Variants in GAS2 observed in about 807,000 individuals in gnomAD.
GAS2 encodes the protein growth arrest specific 2, also known as growth arrest-specific protein 2.
A neutral mutation model predicts 37.5 loss-of-function variants in GAS2; 20 were observed. The ratio of observed to expected loss-of-function variants is 0.53; its 90% CI spans 0.37 to 0.77. The LOEUF (loss-of-function observed/expected upper bound fraction) is 0.77. Among genes scored for constraint, GAS2 ranks in the 30% least tolerant of loss-of-function variants. GAS2 has a pLI of 0.00. For missense variants in GAS2, 336 were observed against 373.4 expected (o/e 0.90, Z 0.82); for synonymous variants, 144 against 132.2 (o/e 1.09, Z -0.61).
At chr11:22,722,808 A>G (rs1169440114) in intron 3 of GAS2, among the ~76,000 whole-genome samples, 2 of 151,874 alleles carry the variant, frequency 1.3e-5, no homozygotes, top group Admixed American at 6.6e-5. Context: ...TCATTCATCT[A>G]TTAGTTTTTG....
At position 22,743,783 on chromosome 11, in the gene GAS2, A is replaced by C. The variant is rs527935498; in HGVS notation, c.474-5337A>C. ...AACCCAAAGCTAGCAGAAGAAAAGA[A>C]ATAACTAAAATCAGAGCATAACTGA... On this transcript the variant is annotated intron_variant, in intron 5 of 7. Transcript: ENST00000454584. Among the ~76,000 whole-genome samples the C allele has an allele frequency of 2.6e-5, 4 of 152,302 alleles. No homozygotes were observed. The South Asian group carries it at 8.3e-4, about 32-fold the overall frequency.
intron 7 of GAS2, among the ~76,000 whole-genome samples, chr11:22,781,146 T>C (rs1458169674): frequency 6.6e-6 from 1 of 152,118 alleles, no homozygotes; most frequent in Admixed American, 6.5e-5. Flanking sequence ...AGTGGCAGAG[T>C]CTGCTGTCCT....
At chr11:22,740,782 A>T (rs1030104815) in intron 5 of GAS2, among the ~76,000 whole-genome samples, 1 of 152,182 alleles carries the variant, frequency 6.6e-6, no homozygotes, top group Non-Finnish European at 1.5e-5. Context: ...ATATATCTAA[A>T]TGCTTAAATT....
At chr11:22,683,302 G>A (rs2928343) in intron 2 of GAS2, among the ~76,000 whole-genome samples, 55,944 of 151,958 alleles carry the variant, frequency 0.37, 11,304 homozygotes, top group African/African-American at 0.55. Flanking sequence ...GTGTCACTCT[G>A]TCACCCAGGC....
At chr11:22,809,613 G>A (rs1032333625) in intron 7 of GAS2, among the ~76,000 whole-genome samples, 9 of 151,316 alleles carry the variant, frequency 5.9e-5, no homozygotes, top group Non-Finnish European at 1.2e-4. Context: ...TCAGCCTCCC[G>A]AGTAGCTGAG....
At chr11:22,710,682 C>T (rs955810393) in intron 3 of GAS2, among the ~76,000 whole-genome samples, 1 of 151,978 alleles carries the variant, frequency 6.6e-6, no homozygotes, top group African/African-American at 2.4e-5. Context: ...GTTGTCACAC[C>T]TGCTATCTCA....
rs566224317 is a variant in GAS2 at position 22,630,050 on chromosome 11, C to T, written c.-21+4237C>T. Among the ~76,000 whole-genome samples the T allele has an allele frequency of 9.9e-5, 15 of 151,878 alleles. No homozygotes were observed. The South Asian group carries it at 1.0e-3, about 11-fold the overall frequency. On this transcript the variant is annotated intron_variant, in intron 1 of 5. Transcript: ENST00000528582. Reference sequence around the variant, plus strand: ...TAGGGCTATCCAGTTTTCCTCACACCATTTTTTTTTATTATACTGTAAGCT... The same window carrying T: ...TAGGGCTATCCAGTTTTCCTCACACTATTTTTTTTTATTATACTGTAAGCT...
chr11:22,684,852 G>A (rs2133939727), intron 2 of GAS2, among the ~76,000 whole-genome samples: 1 of 152,306 alleles, frequency 6.6e-6, no homozygotes, highest in African/African-American at 2.4e-5. Flanking sequence ...TTACAGGCCT[G>A]AGCTACTGTG....
Position 22,731,409 on chromosome 11 carries a change from C to T in GAS2, c.409+4976C>T, listed in dbSNP as rs192362266. The T allele has an allele frequency of 1.5e-3, 624 of 426,238 alleles. 4 individuals carry two copies. The highest frequency in any genetic ancestry group is 9.0e-3 in the African/African-American group (436 of 48,460). 26.4% of individuals were successfully genotyped at this position (426,238 alleles called of 1,614,324 possible). The stretch of plus-strand genomic sequence containing the variant: ...CAACAAGAAAAGGGTTTGCTATCTG[C>T]GGTGTAGCATGCAAATGTGTGTGAT... On this transcript the variant is annotated intron_variant, in intron 4 of 7. Coordinates refer to ENST00000454584, the MANE Select transcript of GAS2 (RefSeq NM_001143830.3).
chr11:22,764,271 A>T (rs1404048988), intron 7 of GAS2, among the ~76,000 whole-genome samples: 2 of 152,208 alleles, frequency 1.3e-5, no homozygotes, highest in African/African-American at 4.8e-5. Context: ...TAAAAAAGCA[A>T]GAAAGACGGC....
intron 7 of GAS2, among the ~76,000 whole-genome samples, chr11:22,802,324 G>T (rs962393062): frequency 1.1e-4 from 16 of 151,980 alleles, no homozygotes; most frequent in Non-Finnish European, 1.2e-4. Context: ...GGAGGGAGGA[G>T]GGAGGGATAG....
intron 1 of GAS2, among the ~76,000 whole-genome samples, chr11:22,642,123 A>G (rs1306294237): frequency 6.6e-6 from 1 of 152,178 alleles, no homozygotes; most frequent in Non-Finnish European, 1.5e-5. Flanking sequence ...TGATAAGAGT[A>G]TATCTGTTAT....
intron 4 of GAS2, among the ~76,000 whole-genome samples, chr11:22,731,638 A>C (rs989747771): frequency 1.3e-5 from 2 of 151,590 alleles, no homozygotes; most frequent in African/African-American, 2.4e-5. Flanking sequence ...AAATATTAGC[A>C]TTTTCCATTT....
At chr11:22,765,441 A>G (rs1235782108) in intron 7 of GAS2, among the ~76,000 whole-genome samples, 1 of 152,174 alleles carries the variant, frequency 6.6e-6, no homozygotes, top group Admixed American at 6.5e-5. Flanking sequence ...CTATATTTCT[A>G]TATACATATA....
At chr11:22,802,971 G>T (rs927991636) in intron 7 of GAS2, among the ~76,000 whole-genome samples, 6 of 152,068 alleles carry the variant, frequency 3.9e-5, no homozygotes, top group Non-Finnish European at 7.4e-5. Flanking sequence ...ATGTAGCTTA[G>T]GTGTGTAGAA....
chr11:22,677,280 C>G (rs1018026929), intron 2 of GAS2, among the ~76,000 whole-genome samples: 1 of 152,018 alleles, frequency 6.6e-6, no homozygotes, highest in Non-Finnish European at 1.5e-5. Context: ...CCAGACCAAA[C>G]ATGGGGTAAG....
intron 5 of GAS2, among the ~76,000 whole-genome samples, chr11:22,744,237 C>G (rs943763691): frequency 2.0e-5 from 3 of 152,066 alleles, no homozygotes; most frequent in African/African-American, 7.2e-5. Context: ...AGAGCTGGTA[C>G]CTATTCTACT....
At chr11:22,766,987 A>G (rs1324863742) in intron 7 of GAS2, among the ~76,000 whole-genome samples, 2 of 152,206 alleles carry the variant, frequency 1.3e-5, no homozygotes, top group East Asian at 1.9e-4. Context: ...AAACGTTGGC[A>G]TAGCAACTAA....
At chr11:22,790,091 A>G (rs1856068709) in intron 7 of GAS2, among the ~76,000 whole-genome samples, 1 of 152,108 alleles carries the variant, frequency 6.6e-6, no homozygotes, top group Admixed American at 6.6e-5. Context: ...TACCTAACAC[A>G]TGTTACAGCC....
Sources: allele counts gnomAD v4.1 joint callset (sites outside exome capture counted in the v4.1 genomes callset), GRCh38; gene constraint gnomAD v4.1.1; transcripts MANE v1.5; gene names NCBI Gene and HGNC (gene_info 2026-07-23, HGNC 2026-07-21).